Variants in PLA2G4E observed in about 807,000 individuals in gnomAD.
PLA2G4E encodes the protein cytosolic phospholipase A2 epsilon.
Under a neutral mutation model 109.1 loss-of-function variants are expected in PLA2G4E, and 84 were observed. The ratio of observed to expected loss-of-function variants is 0.77; its 90% confidence interval spans 0.65 to 0.92. PLA2G4E has a LOEUF of 0.92. Ranked by LOEUF, PLA2G4E falls within the 40% of genes least tolerant of loss-of-function variation. The pLI is 0.00. For missense variants in PLA2G4E, 1,057 were observed against 1,076.6 expected (o/e 0.98, Z 0.25); for synonymous variants, 469 against 436.1 (o/e 1.08, Z -0.94).
chr15:42,050,569 G>A lies in PLA2G4E; in HGVS notation c.135C>T (p.Asp45=), dbSNP rs758899379. 1.3e-4 allele frequency: 207 copies of A among 1,550,596 alleles called. 2 individuals carry two copies. The South Asian group carries it at 1.7e-3, about 12-fold the overall frequency. Residue 45 remains aspartate, a synonymous_variant, in exon 1 of 20, where the codon GAC becomes GAT. Transcript: ENST00000399518. ...GACAGAAAGGTGGGAGACCAGGAGTGTCCAGGTCCTGTGTATCCTCGAACT... is the reference window on the plus strand; with the variant it reads ...GACAGAAAGGTGGGAGACCAGGAGTATCCAGGTCCTGTGTATCCTCGAACT...
At chr15:41,989,443 G>C (rs1047678837) in exon 15 of PLA2G4E, 5 of 1,613,914 alleles carry the variant, frequency 3.1e-6, no homozygotes, top group Non-Finnish European at 4.2e-6. Context: ...GAGACTCCGG[G>C]ATCCTCTTCA....
exon 12 of PLA2G4E, chr15:41,995,474 GCCATGATGGCTATCAGCGGCA>G: frequency 1.2e-6 from 2 of 1,613,954 alleles, no homozygotes; most frequent in Non-Finnish European, 1.7e-6. Flanking sequence ...ACCCCCAGTG[GCCATGATGGCTATCAGCGGCA>G]CCTGGGGTTA....
chr15:42,000,010 TG>T lies in PLA2G4E; in HGVS notation c.853-11del. The T allele has an allele frequency of 6.2e-7, 1 of 1,602,474 alleles. No individual in the cohort carries two copies. The highest frequency in any genetic ancestry group is 8.5e-7 in the Non-Finnish European group (1 of 1,174,876). Reference sequence around the variant, plus strand: ...GAGAGCGGCAGCAAAGCTGGAGGGATGGGTGGGTTCTGTGAGAGGGGCTGGG... The same window carrying T: ...GAGAGCGGCAGCAAAGCTGGAGGGATGGTGGGTTCTGTGAGAGGGGCTGGG... On this transcript the variant is annotated splice_polypyrimidine_tract_variant and intron_variant, in intron 8 of 19. Transcript: ENST00000399518.
intron 1 of PLA2G4E, among the ~76,000 whole-genome samples, chr15:42,046,521 T>C (rs1472465225): frequency 2.0e-5 from 3 of 152,248 alleles, no homozygotes; most frequent in African/African-American, 4.8e-5. Context: ...CGGATCTTAG[T>C]TCAAATGTCA....
chr15:41,992,267 C>T (rs981462524), intron 13 of PLA2G4E, among the ~76,000 whole-genome samples: 1 of 152,274 alleles, frequency 6.6e-6, no homozygotes, highest in Non-Finnish European at 1.5e-5. Flanking sequence ...GAGGCTGGCC[C>T]GTTCTGGGAG....
chr15:42,027,813 C>T (rs2068705285), intron 1 of PLA2G4E, among the ~76,000 whole-genome samples: 1 of 134,684 alleles, frequency 7.4e-6, no homozygotes. Context: ...TATAGCTGCT[C>T]TATCTCATCC....
Position 42,001,443 on chromosome 15 carries a change from C to T in PLA2G4E, c.610-223G>A, listed in dbSNP as rs112871890. On this transcript the variant is annotated intron_variant, in intron 6 of 19. Coordinates refer to ENST00000399518, the Ensembl canonical transcript of PLA2G4E. ...TGACCACGAAGCTGTCCCAGGAGGT[C>T]TAGGACCCACGGTCACAGTTTACTA... Among the ~76,000 whole-genome samples, 888 of 152,282 alleles carry T rather than the reference C, an allele frequency of 5.8e-3. 11 individuals carry two copies. The highest frequency in any genetic ancestry group is 0.02 in the African/African-American group (852 of 41,562).
intron 5 of PLA2G4E, among the ~76,000 whole-genome samples, chr15:42,004,119 T>G (rs1380911148): frequency 6.6e-6 from 1 of 152,102 alleles, no homozygotes; most frequent in Non-Finnish European, 1.5e-5. Context: ...GAGACCAACA[T>G]GATGAAACCC....
At chr15:42,033,795 G>A (rs890016691) in intron 1 of PLA2G4E, among the ~76,000 whole-genome samples, 2 of 152,168 alleles carry the variant, frequency 1.3e-5, no homozygotes, top group Non-Finnish European at 1.5e-5. Context: ...GCAGCCCCTG[G>A]CCCTGGGTGG....
At chr15:41,995,113 G>T (rs938911538) in intron 12 of PLA2G4E, among the ~76,000 whole-genome samples, 12 of 152,238 alleles carry the variant, frequency 7.9e-5, no homozygotes, top group African/African-American at 2.7e-4. Context: ...ACTTAGTAGC[G>T]GGAGAGCGTC....
exon 16 of PLA2G4E, chr15:41,988,059 C>A (rs1461173954): frequency 6.2e-7 from 1 of 1,602,354 alleles, no homozygotes; most frequent in African/African-American, 1.3e-5. Context: ...CGATGTCCTG[C>A]ACTTTCTCCC....
Position 41,995,299 on chromosome 15 carries a change from C to A in PLA2G4E, c.1247+61G>T, listed in dbSNP as rs574125013. On this transcript the variant is annotated intron_variant, in intron 12 of 19. Transcript: ENST00000399518. ...GCGGGGAGGAGCTTCACCTGAGACC[C>A]CAGGCCAGCCTGTTCGTGGCTTGCC... The A allele has an allele frequency of 4.4e-6, 7 of 1,583,668 alleles. No homozygotes were observed. The East Asian group carries it at 1.1e-4, about 26-fold the overall frequency.
chr15:41,990,011 A>G (rs1435832421), intron 14 of PLA2G4E, 110 bp downstream of exon 14: 1 of 819,886 alleles, frequency 1.2e-6, no homozygotes, highest in Non-Finnish European at 2.0e-6. Context: ...CTGGATGTAG[A>G]GGTTGACAAA....
chr15:42,022,736 C>T (rs1330105793), intron 1 of PLA2G4E, among the ~76,000 whole-genome samples: 3 of 152,110 alleles, frequency 2.0e-5, no homozygotes, highest in Admixed American at 6.5e-5. Context: ...TTCACTCACT[C>T]GCCCACTGTT....
Position 42,006,002 on chromosome 15 carries a change from T to G in PLA2G4E, c.513A>C (p.Pro171=), listed in dbSNP as rs151267480. Residue 171 remains proline, a synonymous_variant, in exon 4 of 20, where the codon CCA becomes CCC. Transcript: ENST00000399518. ...ACCCTGCACCCACCTGCGGGTTGAG[T>G]GGAAACTTCACGTGGGTTTTCTTTC... The G allele has an allele frequency of 2.5e-6, 4 of 1,613,780 alleles. No homozygotes were observed. The East Asian group carries it at 8.9e-5, about 36-fold the overall frequency.
intron 1 of PLA2G4E, among the ~76,000 whole-genome samples, chr15:42,045,588 A>G (rs899286819): frequency 6.6e-6 from 1 of 152,188 alleles, no homozygotes; most frequent in Non-Finnish European, 1.5e-5. Context: ...ATGTTTATGG[A>G]AAAAGTCTCT....
At chr15:42,013,562 C>T in intron 2 of PLA2G4E, 123 bp downstream of exon 2, 1 of 841,830 alleles carries the variant, frequency 1.2e-6, no homozygotes, top group East Asian at 2.7e-5. Flanking sequence ...ACGTATACAC[C>T]ATGCACGTGC....
At chr15:42,034,494 C>T (rs1169075809) in intron 1 of PLA2G4E, among the ~76,000 whole-genome samples, 4 of 152,092 alleles carry the variant, frequency 2.6e-5, no homozygotes, top group Non-Finnish European at 4.4e-5. Context: ...AAGAAAGCAC[C>T]GTTTTCCTTT....
intron 17 of PLA2G4E, chr15:41,986,937 T>G: frequency 1.8e-6 from 1 of 569,380 alleles, no homozygotes; most frequent in South Asian, 2.0e-5. Flanking sequence ...AGATTCTGTA[T>G]AGAATGACTG....
Sources: allele counts gnomAD v4.1 joint callset (sites outside exome capture counted in the v4.1 genomes callset), GRCh38; gene constraint gnomAD v4.1.1; transcripts MANE v1.5; gene names NCBI Gene and HGNC (gene_info 2026-07-23, HGNC 2026-07-21).